Variants in EBF4 observed in about 807,000 individuals in gnomAD.
The protein encoded by EBF4 is EBF transcription factor 4.
Under a neutral mutation model 67.1 loss-of-function variants are expected in EBF4, and 34 were observed. That is an observed-to-expected ratio of 0.51 (90% CI 0.39 to 0.67). The LOEUF (loss-of-function observed/expected upper bound fraction) is 0.67, where lower values mean the gene tolerates loss of function less well. Among genes scored for constraint, EBF4 ranks in the 30% least tolerant of loss-of-function variants. The pLI is 0.00. For missense variants in EBF4, 837 were observed against 873.3 expected (o/e 0.96, Z 0.52); for synonymous variants, 387 against 377.7 (o/e 1.02, Z -0.29).
chr20:2,755,387 TGC>T lies in EBF4; in HGVS notation c.1541-239_1541-238del. 2.0e-6 allele frequency: 1 copy of T among 504,974 alleles called. No homozygotes were observed. 31.3% of individuals were successfully genotyped at this position (504,974 alleles called of 1,614,324 possible). On this transcript the variant is annotated intron_variant, in intron 14 of 16. Coordinates refer to ENST00000609451, the Ensembl canonical transcript of EBF4. The surrounding 1 kb of genome is among the most constrained non-coding windows in gnomAD (Gnocchi z 4.7). The stretch of plus-strand genomic sequence containing the variant: ...TTGTTTTTTTTGAATGTTCTGGTTT[TGC>T]TTTTGTCTTTACCTGGTCTGGCCCT...
At chr20:2,708,243 C>T (rs1270426813) in intron 5 of EBF4, among the ~76,000 whole-genome samples, 1 of 152,220 alleles carries the variant, frequency 6.6e-6, no homozygotes, top group East Asian at 1.9e-4. Flanking sequence ...GTTTATGTGG[C>T]TTCTCCGAGT....
chr20:2,753,863 AG>A (rs2146513375), intron 14 of EBF4, among the ~76,000 whole-genome samples: 1 of 152,218 alleles, frequency 6.6e-6, no homozygotes, highest in African/African-American at 2.4e-5. Context: ...GTCCCTCCCA[AG>A]GCCCCTGCCT....
chr20:2,747,751 C>T lies in EBF4; in HGVS notation c.558-798C>T, dbSNP rs1276018772. ...GGGTAATCATTTACAACATAAAATG[C>T]GTATTAATGTATTTGTTCTGTGTAT... On this transcript the variant is annotated intron_variant, in intron 6 of 16. Coordinates refer to ENST00000609451, the Ensembl canonical transcript of EBF4. The surrounding 1 kb of genome is among the most constrained non-coding windows in gnomAD (Gnocchi z 4.6). Among the ~76,000 whole-genome samples, 2 of 152,106 alleles carry T rather than the reference C, an allele frequency of 1.3e-5. No individual in the cohort carries two copies. Among genetic ancestry groups the T allele is most frequent in the East Asian group, 3.9e-4 (2 of 5,194 alleles).
chr20:2,742,477 A>G (rs970380621), intron 6 of EBF4, among the ~76,000 whole-genome samples: 17 of 151,946 alleles, frequency 1.1e-4, no homozygotes, highest in African/African-American at 4.1e-4. Context: ...GCTTGTATTT[A>G]TGGTGTTTTC....
At position 2,716,220 on chromosome 20, in the gene EBF4, T is replaced by TAA. The variant is rs35206416; in HGVS notation, c.557+6597_557+6598dup. Among the ~76,000 whole-genome samples the TAA allele has an allele frequency of 1.6e-3, 188 of 118,244 alleles. 1 individual carries two copies. Among genetic ancestry groups the TAA allele is most frequent in the African/African-American group, 5.5e-3 (174 of 31,408 alleles). 77.6% of individuals were successfully genotyped at this position (118,244 alleles called of 152,430 possible). On this transcript the variant is annotated intron_variant, in intron 6 of 16. Transcript: ENST00000609451. Reference sequence around the variant, plus strand: ...TGGGGAACAGAGTAAGACCCTGTCTTAAAAAAAAAAAAAAAAAAAATCCTT... The same window carrying TAA: ...TGGGGAACAGAGTAAGACCCTGTCTTAAAAAAAAAAAAAAAAAAAAAATCCTT...
intron 6 of EBF4, among the ~76,000 whole-genome samples, chr20:2,711,531 C>T (rs946185539): frequency 1.3e-5 from 2 of 152,146 alleles, no homozygotes; most frequent in African/African-American, 2.4e-5. Flanking sequence ...ACTGCCAATT[C>T]GATCTCTGTA....
chr20:2,695,198 G>A (rs775777090), intron 1 of EBF4, among the ~76,000 whole-genome samples: 2 of 151,730 alleles, frequency 1.3e-5, no homozygotes, highest in African/African-American at 2.4e-5. Context: ...GCTGTGTGGC[G>A]AGAGCTCTTT....
At chr20:2,748,622 C>G (rs772769269) in exon 7 of EBF4, 2 of 1,551,536 alleles carry the variant, frequency 1.3e-6, no homozygotes, top group Non-Finnish European at 8.7e-7. Flanking sequence ...AGACATGCGC[C>G]GCTTCCAGGT....
chr20:2,741,293 C>T (rs1287171590), intron 6 of EBF4, among the ~76,000 whole-genome samples: 1 of 151,972 alleles, frequency 6.6e-6, no homozygotes, highest in Non-Finnish European at 1.5e-5. Context: ...GTCTGGGTGA[C>T]AGAGCGAGAC....
At chr20:2,736,833 G>T (rs958557000) in intron 6 of EBF4, among the ~76,000 whole-genome samples, 5 of 152,076 alleles carry the variant, frequency 3.3e-5, no homozygotes, top group Non-Finnish European at 5.9e-5. Flanking sequence ...TAAGGACAAA[G>T]GACCCCTAAT....
At chr20:2,759,088 C>T in intron 16 of EBF4, 104 bp downstream of exon 16, 4 of 1,134,080 alleles carry the variant, frequency 3.5e-6, no homozygotes, top group Non-Finnish European at 5.1e-6. Flanking sequence ...CGCTAGCAGC[C>T]CCACAGGGAT....
intron 6 of EBF4, among the ~76,000 whole-genome samples, chr20:2,719,920 T>C (rs2087658230): frequency 6.6e-6 from 1 of 152,202 alleles, no homozygotes; most frequent in Admixed American, 6.5e-5. Context: ...ATTGATAGTG[T>C]TGTTCAAGTG....
At chr20:2,732,852 T>C (rs1249010642) in intron 6 of EBF4, among the ~76,000 whole-genome samples, 1 of 151,738 alleles carries the variant, frequency 6.6e-6, no homozygotes, top group East Asian at 1.9e-4. Context: ...TTATAAAGAG[T>C]TCCCATATAT....
intron 6 of EBF4, among the ~76,000 whole-genome samples, chr20:2,740,505 G>A (rs1043575071): frequency 1.3e-5 from 2 of 152,108 alleles, no homozygotes; most frequent in African/African-American, 4.8e-5. Flanking sequence ...AAATGCACTC[G>A]GGCTCTCCTT....
At chr20:2,705,831 ACACACACT>A (rs2087448516) in intron 2 of EBF4, 98 bp downstream of exon 2, 3 of 1,360,062 alleles carry the variant, frequency 2.2e-6, no homozygotes, top group Admixed American at 4.5e-5. Flanking sequence ...ACACACACAC[ACACACACT>A]GGGACAGATG....
intron 6 of EBF4, among the ~76,000 whole-genome samples, chr20:2,715,654 A>G (rs929809767): frequency 1.3e-5 from 2 of 152,254 alleles, no homozygotes; most frequent in Non-Finnish European, 2.9e-5. Flanking sequence ...TCGTTTGCCA[A>G]TCTGGTGGGT....
chr20:2,725,160 C>T (rs1272753016), intron 6 of EBF4, among the ~76,000 whole-genome samples: 1 of 152,166 alleles, frequency 6.6e-6, no homozygotes, highest in East Asian at 1.9e-4. Flanking sequence ...TGCTTTCTCT[C>T]TTTTCTCTTC....
chr20:2,710,048 C>T (rs993082881), intron 6 of EBF4, among the ~76,000 whole-genome samples: 1 of 152,182 alleles, frequency 6.6e-6, no homozygotes, highest in South Asian at 2.1e-4. Flanking sequence ...TCTGAACATT[C>T]GTTTCTTTCA....
rs978919762 is a variant in EBF4 at position 2,745,572 on chromosome 20, G to A, written c.558-2977G>A. On this transcript the variant is annotated intron_variant, in intron 6 of 16. Coordinates refer to ENST00000609451, the Ensembl canonical transcript of EBF4. This position sits in a 1 kb window ranked among gnomAD's most constrained non-coding sequence, Gnocchi z 5.2. ...GGCTGTACAGGGCGTGAGAATTGGT[G>A]TGGACCCAAAGGACAAATGAAACCT... Among the ~76,000 whole-genome samples the A allele has an allele frequency of 6.6e-6, 1 of 152,208 alleles. No homozygotes were observed. The highest frequency in any genetic ancestry group is 1.5e-5 in the Non-Finnish European group (1 of 68,044).
Sources: allele counts gnomAD v4.1 joint callset (sites outside exome capture counted in the v4.1 genomes callset), GRCh38; gene constraint gnomAD v4.1.1; non-coding constraint Gnocchi (gnomAD v3.1); transcripts MANE v1.5; gene names NCBI Gene and HGNC (gene_info 2026-07-23, HGNC 2026-07-21).